The following DCLK1 variants were observed in gnomAD, a reference collection of about 807,000 sequenced individuals.
DCLK1 encodes the protein serine/threonine-protein kinase DCLK1.
In DCLK1, 16 loss-of-function variants were observed where a neutral mutation model predicts 86.2. The observed-to-expected ratio is 0.19, with a 90% CI of 0.13 to 0.28. The LOEUF (loss-of-function observed/expected upper bound fraction) is 0.28, where lower values mean the gene tolerates loss of function less well. Among genes scored for constraint, DCLK1 ranks in the 10% least tolerant of loss-of-function variants. The pLI is 1.00. For missense variants in DCLK1, 590 were observed against 940.2 expected (o/e 0.63, Z 4.87); for synonymous variants, 369 against 370.5 (o/e 1.00, Z 0.05).
At chr13:36,095,266 T>C (rs1884971207) in intron 3 of DCLK1, among the ~76,000 whole-genome samples, 1 of 151,922 alleles carries the variant, frequency 6.6e-6, no homozygotes, top group Non-Finnish European at 1.5e-5. Flanking sequence ...AGTGCCGTGA[T>C]GTGATCTTGG....
chr13:36,127,557 C>T (rs1385983121), intron 1 of DCLK1, among the ~76,000 whole-genome samples: 3 of 152,200 alleles, frequency 2.0e-5, no homozygotes, highest in Non-Finnish European at 2.9e-5. Flanking sequence ...TCAGTATTAA[C>T]TATTAAATAA....
At chr13:36,050,211 G>T (rs1883075423) in intron 3 of DCLK1, among the ~76,000 whole-genome samples, 1 of 152,154 alleles carries the variant, frequency 6.6e-6, no homozygotes, top group Non-Finnish European at 1.5e-5. Flanking sequence ...CCTATTAATA[G>T]TTGATGTTTA....
chr13:35,990,445 T>G (rs1880170138), intron 3 of DCLK1, among the ~76,000 whole-genome samples: 1 of 151,998 alleles, frequency 6.6e-6, no homozygotes, highest in African/African-American at 2.4e-5. Context: ...TGATCTCTGC[T>G]TGAGTTCTCA....
At position 35,949,464 on chromosome 13, in the gene DCLK1, T is replaced by C. The variant is rs550057630; in HGVS notation, c.724-2007A>G. On this transcript the variant is annotated intron_variant, in intron 3 of 16. Coordinates refer to ENST00000360631, the MANE Select transcript of DCLK1 (RefSeq NM_001330071.2). ...TATCCACTCTGCTCCTAGGCGGCCATGCTTCTGCAGCTGATAAATATTTCA... is the reference window on the plus strand; with the variant it reads ...TATCCACTCTGCTCCTAGGCGGCCACGCTTCTGCAGCTGATAAATATTTCA... Among the ~76,000 whole-genome samples the C allele has an allele frequency of 6.6e-5, 10 of 152,348 alleles. No homozygotes were observed. In the East Asian group the frequency reaches 1.5e-3, roughly 23 times the overall value.
Position 36,034,976 on chromosome 13 carries a change from G to A in DCLK1, c.723+76893C>T, listed in dbSNP as rs566562116. Among the ~76,000 whole-genome samples the A allele has an allele frequency of 2.0e-5, 3 of 152,224 alleles. No homozygotes were observed. In the East Asian group the frequency reaches 5.8e-4, roughly 29 times the overall value. On this transcript the variant is annotated intron_variant, in intron 3 of 16. Transcript: ENST00000360631. Reference sequence around the variant, plus strand: ...AGGTCACACGTGCAGCATATTACTAGCTGGGCATCAAACCACTGTGGCTTC... The same window carrying A: ...AGGTCACACGTGCAGCATATTACTAACTGGGCATCAAACCACTGTGGCTTC...
At chr13:35,791,482 G>A (rs1342230258) in intron 16 of DCLK1, among the ~76,000 whole-genome samples, 1 of 152,044 alleles carries the variant, frequency 6.6e-6, no homozygotes, top group Non-Finnish European at 1.5e-5. Flanking sequence ...AAAAAAAAAA[G>A]TGGATCTTTG....
At chr13:35,879,363 T>G (rs1006858041) in intron 4 of DCLK1, among the ~76,000 whole-genome samples, 1 of 152,172 alleles carries the variant, frequency 6.6e-6, no homozygotes, top group African/African-American at 2.4e-5. Flanking sequence ...AGCAGAAACC[T>G]TATGTAACAT....
At chr13:36,112,891 G>A (rs1270857055) in intron 2 of DCLK1, among the ~76,000 whole-genome samples, 2 of 152,104 alleles carry the variant, frequency 1.3e-5, no homozygotes, top group African/African-American at 4.8e-5. Flanking sequence ...ATAAGTAAAT[G>A]TTTATTAAAA....
chr13:35,951,270 CATGGATGGATGGATGGATGGATGGATGG>C (rs113236728), intron 3 of DCLK1, among the ~76,000 whole-genome samples: 2 of 145,296 alleles, frequency 1.4e-5, no homozygotes, highest in Non-Finnish European at 3.0e-5. Flanking sequence ...TGGATGGATG[CATGGATGGATGGATGGATGGATGGATGG>C]ATGGATGGAT....
intron 3 of DCLK1, among the ~76,000 whole-genome samples, chr13:36,026,343 C>T (rs573201721): frequency 1.3e-5 from 2 of 152,256 alleles, no homozygotes; most frequent in South Asian, 2.1e-4. Flanking sequence ...AGACTTTCTT[C>T]ATAGATAATG....
At chr13:35,933,271 T>G (rs889351407) in intron 4 of DCLK1, among the ~76,000 whole-genome samples, 2 of 152,160 alleles carry the variant, frequency 1.3e-5, no homozygotes, top group African/African-American at 4.8e-5. Context: ...TGGCATTGAG[T>G]GTCTGCGGCT....
At chr13:35,785,381 G>A (rs972885791) in intron 16 of DCLK1, among the ~76,000 whole-genome samples, 1 of 152,074 alleles carries the variant, frequency 6.6e-6, no homozygotes, top group South Asian at 2.1e-4. Context: ...AGGGGGAAAT[G>A]GTGGCTTCTT....
At chr13:35,931,788 T>C (rs1566608312) in intron 4 of DCLK1, among the ~76,000 whole-genome samples, 1 of 152,204 alleles carries the variant, frequency 6.6e-6, no homozygotes, top group Non-Finnish European at 1.5e-5. Flanking sequence ...TCCTTCTGCA[T>C]CTAATAATTC....
intron 4 of DCLK1, among the ~76,000 whole-genome samples, chr13:35,922,733 GC>G (rs1875873295): frequency 1.3e-5 from 2 of 152,180 alleles, no homozygotes; most frequent in African/African-American, 4.8e-5. Flanking sequence ...TGAAGACTAA[GC>G]CACACACCTG....
chr13:35,948,887 A>G (rs1877522086), intron 3 of DCLK1, among the ~76,000 whole-genome samples: 2 of 152,168 alleles, frequency 1.3e-5, no homozygotes, highest in Non-Finnish European at 2.9e-5. Flanking sequence ...ACTTGGTTTA[A>G]AAGCAGACCA....
intron 6 of DCLK1, chr13:35,848,659 T>C: frequency 2.0e-6 from 2 of 985,368 alleles, no homozygotes; most frequent in Non-Finnish European, 2.4e-6. Context: ...TTATTGGACC[T>C]TTCTAGCAGT....
At chr13:35,862,496 A>G (rs1218210825) in intron 5 of DCLK1, among the ~76,000 whole-genome samples, 3 of 151,992 alleles carry the variant, frequency 2.0e-5, no homozygotes, top group African/African-American at 7.3e-5. Flanking sequence ...ATGTGTAGCA[A>G]TTTTTTCCAC....
chr13:35,906,686 C>G (rs543319727), intron 4 of DCLK1, among the ~76,000 whole-genome samples: 172 of 152,292 alleles, frequency 1.1e-3, no homozygotes, highest in African/African-American at 4.0e-3. Context: ...TTGGAGAACT[C>G]TGAAACCCTC....
At chr13:36,099,586 G>T (rs1427522566) in intron 3 of DCLK1, among the ~76,000 whole-genome samples, 1 of 152,216 alleles carries the variant, frequency 6.6e-6, no homozygotes, top group Admixed American at 6.5e-5. Context: ...TATTCCCAAT[G>T]CCTGGCACAG....
Sources: gnomAD v4.1 joint callset for allele counts (sites outside exome capture counted in the v4.1 genomes callset) on GRCh38, gnomAD v4.1.1 for gene constraint, MANE v1.5 for transcripts, NCBI Gene and HGNC (gene_info 2026-07-23, HGNC 2026-07-21) for gene names.